Variants in NDUFAF2 observed in about 807,000 individuals in gnomAD.
NDUFAF2 encodes NADH:ubiquinone oxidoreductase complex assembly factor 2.
NDUFAF2 carries 13 observed loss-of-function variants against 22.8 expected under a neutral mutation model. That is an observed-to-expected ratio of 0.57 (90% confidence interval 0.37 to 0.91). The LOEUF (loss-of-function observed/expected upper bound fraction) is 0.91. Ranked by LOEUF, NDUFAF2 falls within the 40% of genes least tolerant of loss-of-function variation. The pLI is 0.01. For missense variants in NDUFAF2, 162 were observed against 195.2 expected, an observed-to-expected ratio of 0.83 and a Z score of 1.01; for synonymous variants, 53 against 64.2, an observed-to-expected ratio of 0.83 and a Z score of 0.84.
chr5:60,962,169 G>GTT (rs551302461), intron 1 of NDUFAF2, among the ~76,000 whole-genome samples: 3 of 142,886 alleles, frequency 2.1e-5, no homozygotes, highest in Non-Finnish European at 3.1e-5. Flanking sequence ...AGTTATCTTG[G>GTT]TTTTTTTTTT....
Position 61,103,166 on chromosome 5 carries a change from C to T in NDUFAF2, c.258+4134C>T, listed in dbSNP as rs184115371. Among the ~76,000 whole-genome samples, 542 of 152,196 alleles carry T rather than the reference C, an allele frequency of 3.6e-3. 2 individuals are homozygous for T. Among genetic ancestry groups the T allele is most frequent in the Non-Finnish European group, 5.9e-3 (401 of 67,996 alleles). On this transcript the variant is annotated intron_variant, in intron 3 of 3. Coordinates refer to ENST00000296597, the MANE Select transcript of NDUFAF2 (RefSeq NM_174889.5). ...GCTCTGGCCAACAGTAGGTCTAACACCTTGGCATACTATGCAAGGCTTCCT... is the reference window on the plus strand; with the variant it reads ...GCTCTGGCCAACAGTAGGTCTAACATCTTGGCATACTATGCAAGGCTTCCT...
chr5:61,141,146 G>A (rs1741049442), intron 3 of NDUFAF2, among the ~76,000 whole-genome samples: 2 of 151,918 alleles, frequency 1.3e-5, no homozygotes, highest in South Asian at 4.2e-4. Flanking sequence ...AGAATCACTT[G>A]AACCTGGGAG....
chr5:61,050,268 G>GATAGTAGCCA (rs1268874127), intron 1 of NDUFAF2: 1 of 152,026 alleles, frequency 6.6e-6, no homozygotes, highest in Admixed American at 6.6e-5. Context: ...TTGTAGAAAG[G>GATAGTAGCCA]ATAGTAGCCA....
At chr5:61,065,957 C>T (rs1343709156) in intron 1 of NDUFAF2, among the ~76,000 whole-genome samples, 2 of 151,160 alleles carry the variant, frequency 1.3e-5, no homozygotes, top group Non-Finnish European at 3.0e-5. Flanking sequence ...AAGATTTTAG[C>T]AAAAATAAAA....
chr5:61,127,595 G>A (rs191207126), intron 3 of NDUFAF2, among the ~76,000 whole-genome samples: 1 of 151,426 alleles, frequency 6.6e-6, no homozygotes, highest in East Asian at 1.9e-4. Context: ...TTTGAATTAG[G>A]TATTCAATAA....
At chr5:61,051,142 T>C (rs1752019336) in intron 1 of NDUFAF2, among the ~76,000 whole-genome samples, 1 of 152,124 alleles carries the variant, frequency 6.6e-6, no homozygotes, top group Non-Finnish European at 1.5e-5. Flanking sequence ...AATCCAATTG[T>C]TCTCTTAATT....
chr5:61,006,996 A>G (rs1400194916), intron 1 of NDUFAF2, among the ~76,000 whole-genome samples: 1 of 152,056 alleles, frequency 6.6e-6, no homozygotes, highest in East Asian at 1.9e-4. Context: ...GTTTGAGTTC[A>G]TTGTAGATTC....
intron 1 of NDUFAF2, among the ~76,000 whole-genome samples, chr5:60,949,584 G>C (rs1750513355): frequency 6.6e-6 from 1 of 152,120 alleles, no homozygotes; most frequent in Non-Finnish European, 1.5e-5. Flanking sequence ...CTTGGCCATA[G>C]CAGCTCCAGC....
chr5:61,008,590 C>G (rs947513079), intron 1 of NDUFAF2, among the ~76,000 whole-genome samples: 2 of 152,076 alleles, frequency 1.3e-5, no homozygotes, highest in African/African-American at 2.4e-5. Context: ...GATGATTTCA[C>G]CTATCTTGAT....
intron 3 of NDUFAF2, among the ~76,000 whole-genome samples, chr5:61,129,300 C>T (rs1310121319): frequency 6.6e-6 from 1 of 152,026 alleles, no homozygotes; most frequent in Non-Finnish European, 1.5e-5. Flanking sequence ...TGGTATATAC[C>T]CAAAGAATTA....
At chr5:60,998,557 T>A (rs1043963422) in intron 1 of NDUFAF2, among the ~76,000 whole-genome samples, 1 of 152,152 alleles carries the variant, frequency 6.6e-6, no homozygotes, top group Non-Finnish European at 1.5e-5. Context: ...AGAGACTTAT[T>A]TAACAGAAGT....
At chr5:61,152,250 TAC>T (rs1383019764) in intron 3 of NDUFAF2, among the ~76,000 whole-genome samples, 1 of 151,434 alleles carries the variant, frequency 6.6e-6, no homozygotes, top group Non-Finnish European at 1.5e-5. Flanking sequence ...GTTCTGGTAC[TAC>T]AGAGGGTGAC....
At position 60,947,667 on chromosome 5, in the gene NDUFAF2, A is replaced by G. The variant is rs544969089; in HGVS notation, c.127+2285A>G. Reference sequence around the variant, plus strand: ...TGTAATCCCAGCTAGTCGGGAGGCTAAGGCAGGAAAATCACTTGAACCTGG... The same window carrying G: ...TGTAATCCCAGCTAGTCGGGAGGCTGAGGCAGGAAAATCACTTGAACCTGG... On this transcript the variant is annotated intron_variant, in intron 1 of 3. Coordinates refer to ENST00000296597, the MANE Select transcript of NDUFAF2 (RefSeq NM_174889.5). 1.2e-3 allele frequency among the ~76,000 whole-genome samples: 178 copies of G among 151,650 alleles called. 1 individual carries two copies. Among genetic ancestry groups the G allele is most frequent in the African/African-American group, 4.2e-3 (172 of 41,368 alleles).
At chr5:61,030,578 T>C (rs777988191) in intron 1 of NDUFAF2, among the ~76,000 whole-genome samples, 15 of 152,176 alleles carry the variant, frequency 9.9e-5, no homozygotes, top group Non-Finnish European at 2.9e-5. Context: ...ACCATTGATT[T>C]TGTTTTCAGG....
At chr5:61,141,570 C>T (rs1169259790) in intron 3 of NDUFAF2, among the ~76,000 whole-genome samples, 1 of 152,140 alleles carries the variant, frequency 6.6e-6, no homozygotes, top group East Asian at 1.9e-4. Flanking sequence ...TTTGACCATC[C>T]TCTTTGTTCC....
chr5:60,972,773 G>GTT lies in NDUFAF2; in HGVS notation c.127+27404_127+27405dup, dbSNP rs35076688. 4.9e-3 allele frequency among the ~76,000 whole-genome samples: 511 copies of GTT among 103,632 alleles called. 3 individuals carry two copies. In the East Asian group the frequency reaches 0.049, roughly 10 times the overall value. The allele number at this position is 103,632 out of a possible 152,430, so 68.0% of individuals were successfully genotyped here. On this transcript the variant is annotated intron_variant, in intron 1 of 3. Transcript: ENST00000296597. ...TCTCATTTACTGATATGTGTATTCT[G>GTT]TTTTTTTTTTTTTTGGTTTTCTTTT...
At chr5:61,016,837 G>A (rs942304123) in intron 1 of NDUFAF2, among the ~76,000 whole-genome samples, 4 of 152,104 alleles carry the variant, frequency 2.6e-5, no homozygotes, top group African/African-American at 7.2e-5. Flanking sequence ...TAGGTTGTTC[G>A]TGCCTGTGTA....
intron 2 of NDUFAF2, among the ~76,000 whole-genome samples, chr5:61,096,779 C>G (rs548163801): frequency 2.6e-5 from 4 of 151,928 alleles, no homozygotes; most frequent in Admixed American, 2.6e-4. Context: ...GCGTGGCCAA[C>G]ATGGTGAAAC....
chr5:61,067,849 A>C (rs943734706), intron 1 of NDUFAF2, among the ~76,000 whole-genome samples: 2 of 152,092 alleles, frequency 1.3e-5, no homozygotes, highest in Non-Finnish European at 2.9e-5. Flanking sequence ...AATGATTGCC[A>C]TTCTAACTGG....
Sources: gnomAD v4.1 joint callset for allele counts (sites outside exome capture counted in the v4.1 genomes callset) on GRCh38, gnomAD v4.1.1 for gene constraint, MANE v1.5 for transcripts, NCBI Gene and HGNC (gene_info 2026-07-23, HGNC 2026-07-21) for gene names.